The following SLC7A11 variants were observed in gnomAD, a reference collection of about 807,000 sequenced individuals.
SLC7A11 encodes solute carrier family 7 member 11.
In SLC7A11, 35 loss-of-function variants were observed where a neutral mutation model predicts 54.5. The observed-to-expected ratio is 0.64, with a 90% CI of 0.49 to 0.85. The LOEUF (loss-of-function observed/expected upper bound fraction) is 0.85. SLC7A11 is among the 40% of genes least tolerant of loss of function. The probability of loss-of-function intolerance (pLI) is 0.00; values close to 1 mark genes in which losing one functional copy is unlikely to be tolerated. For synonymous variants in SLC7A11, 230 were observed against 225.2 expected, an observed-to-expected ratio of 1.02 and a Z score of -0.19; for missense variants, 583 against 618.1, an observed-to-expected ratio of 0.94 and a Z score of 0.60.
chr4:138,214,567 G>T lies in SLC7A11; in HGVS notation c.791+18C>A, dbSNP rs573480755. The T allele has an allele frequency of 1.4e-6, 2 of 1,430,280 alleles. No individual in the cohort carries two copies. The highest frequency in any genetic ancestry group is 1.9e-6 in the Non-Finnish European group (2 of 1,050,134). 88.6% of individuals were successfully genotyped at this position (1,430,280 alleles called of 1,614,324 possible). ...TTTTATTCTTCATAAAAATTTCAGG[G>T]TACATCTGGCTACTTACTTTTCAGG... On this transcript the variant is annotated intron_variant, in intron 6 of 11. Transcript: ENST00000280612.
Position 138,219,362 on chromosome 4 carries a change from T to C in SLC7A11, c.650A>G (p.Gln217Arg). ...VPGVMQLIKG[Q>R]TQNFKDAFSG... ...AAAGGCGTCTTTAAAGTTCTGCGTT[T>C]GACCTGTAATTAGAATAGACTGATT... Residue 217 changes from glutamine to arginine, a missense_variant, in exon 5 of 12, where the codon CAA becomes CGA. Gln to Arg is a conservative substitution (Grantham distance 43). Coordinates refer to ENST00000280612, the MANE Select transcript of SLC7A11 (RefSeq NM_014331.4). 1 of 1,577,568 alleles carries C rather than the reference T, an allele frequency of 6.3e-7. No individual in the cohort carries two copies. Among genetic ancestry groups the C allele is most frequent in the Non-Finnish European group, 8.7e-7 (1 of 1,147,162 alleles).
intron 1 of SLC7A11, among the ~76,000 whole-genome samples, chr4:138,241,565 TAGTC>T (rs1378671742): frequency 1.3e-5 from 2 of 152,096 alleles, no homozygotes; most frequent in Non-Finnish European, 1.5e-5. Context: ...TAGCCTGTCT[TAGTC>T]AGGAAAAGAA....
At chr4:138,204,097 T>C (rs1468645943) in intron 6 of SLC7A11, among the ~76,000 whole-genome samples, 4 of 152,070 alleles carry the variant, frequency 2.6e-5, no homozygotes, top group African/African-American at 9.7e-5. Flanking sequence ...CCAACTTTCT[T>C]TTCCATAGCA....
In SLC7A11 at chr4:138,171,916, C is replaced by T. The variant is rs374880676; in HGVS notation, c.*40G>A. On this transcript the variant is annotated 3_prime_UTR_variant, in exon 12 of 12. Transcript: ENST00000280612. Reference sequence around the variant, plus strand: ...TGAAGTAAAAATCCCTATTTTGTGTCTCCCCTTGGGCAGATTGCCAAGATC... The same window carrying T: ...TGAAGTAAAAATCCCTATTTTGTGTTTCCCCTTGGGCAGATTGCCAAGATC... 4.5e-6 allele frequency: 7 copies of T among 1,555,356 alleles called. No homozygotes were observed. Among genetic ancestry groups the T allele is most frequent in the Non-Finnish European group, 5.2e-6 (6 of 1,161,026 alleles).
rs1474867687 is a variant in SLC7A11, at chr4:138,164,837, G to C, written c.*7119C>G. 6.6e-6 allele frequency: 1 copy of C among 151,902 alleles called. No individual in the cohort carries two copies. Among genetic ancestry groups the C allele is most frequent in the African/African-American group, 2.4e-5 (1 of 41,352 alleles). The allele number at this position is 151,902 out of a possible 1,614,324, so 9.4% of individuals were successfully genotyped here. The stretch of plus-strand genomic sequence containing the variant: ...AACCCACGATGCCCCTGAAATTCTG[G>C]GAATGGTACAAGGTCATAACTAATG... On this transcript the variant is annotated 3_prime_UTR_variant, in exon 12 of 12. Coordinates refer to ENST00000280612, the MANE Select transcript of SLC7A11 (RefSeq NM_014331.4).
intron 6 of SLC7A11, among the ~76,000 whole-genome samples, chr4:138,209,387 G>A (rs1172374985): frequency 6.6e-6 from 1 of 151,844 alleles, no homozygotes. Flanking sequence ...ATTCTCCCTT[G>A]TAACTAAAGG....
intron 6 of SLC7A11, among the ~76,000 whole-genome samples, chr4:138,202,885 T>G (rs908020452): frequency 1.6e-4 from 24 of 152,284 alleles, no homozygotes; most frequent in African/African-American, 5.3e-4. Flanking sequence ...GAAGTGCCAG[T>G]TGTCCCCAGG....
rs1185566288 is a variant in SLC7A11 at position 138,169,740 on chromosome 4, G to C, written c.*2216C>G. ...TAGTCTATGGGGAAAAAAAAAATAG[G>C]AATATGAAAGAAATTCTTACCTCCA... On this transcript the variant is annotated 3_prime_UTR_variant, in exon 12 of 12. Transcript: ENST00000280612. 6.6e-6 allele frequency: 1 copy of C among 151,826 alleles called. No homozygotes were observed. Among genetic ancestry groups the C allele is most frequent in the Non-Finnish European group, 1.5e-5 (1 of 67,946 alleles). 9.4% of individuals were successfully genotyped at this position (151,826 alleles called of 1,614,324 possible).
At chr4:138,227,085 G>A (rs943012530) in intron 3 of SLC7A11, among the ~76,000 whole-genome samples, 2 of 152,186 alleles carry the variant, frequency 1.3e-5, no homozygotes, top group African/African-American at 4.8e-5. Flanking sequence ...GTGATTTAAG[G>A]ACTGGCAAGT....
intron 7 of SLC7A11, 142 bp from the exon 8 acceptor site, chr4:138,183,447 T>C: frequency 1.6e-6 from 1 of 633,648 alleles, no homozygotes; most frequent in Non-Finnish European, 2.9e-6. Flanking sequence ...TTGGTTAGGG[T>C]CAGACTAACT....
intron 6 of SLC7A11, among the ~76,000 whole-genome samples, chr4:138,190,158 T>A (rs1004620392): frequency 1.3e-5 from 2 of 152,116 alleles, no homozygotes; most frequent in Admixed American, 1.3e-4. Flanking sequence ...AACCTACATT[T>A]GTGTGTTCTG....
At chr4:138,218,383 A>G (rs1737727731) in intron 5 of SLC7A11, among the ~76,000 whole-genome samples, 1 of 152,234 alleles carries the variant, frequency 6.6e-6, no homozygotes, top group Admixed American at 6.5e-5. Context: ...GATTTATCCC[A>G]AAACAATGAA....
chr4:138,179,843 G>C (rs888804629), intron 10 of SLC7A11, among the ~76,000 whole-genome samples: 2 of 152,030 alleles, frequency 1.3e-5, no homozygotes, highest in African/African-American at 4.8e-5. Flanking sequence ...TTTTTCTGTT[G>C]AGATCCACAA....
intron 11 of SLC7A11, chr4:138,178,049 A>G (rs1288189360): frequency 1.3e-5 from 2 of 152,120 alleles, no homozygotes; most frequent in East Asian, 3.9e-4. Flanking sequence ...TCTACTTTAT[A>G]TCTGTATGAC....
chr4:138,194,778 CTG>C (rs1434014418), intron 6 of SLC7A11, among the ~76,000 whole-genome samples: 2 of 152,300 alleles, frequency 1.3e-5, no homozygotes, highest in Admixed American at 1.3e-4. Flanking sequence ...CCAAATCTCT[CTG>C]GACTTACACT....
At chr4:138,198,011 G>A (rs1737182630) in intron 6 of SLC7A11, among the ~76,000 whole-genome samples, 1 of 150,288 alleles carries the variant, frequency 6.7e-6, no homozygotes, top group South Asian at 2.1e-4. Context: ...ATAAACTAAG[G>A]AGTAATATGA....
At chr4:138,204,166 A>T (rs1044632991) in intron 6 of SLC7A11, among the ~76,000 whole-genome samples, 6 of 152,090 alleles carry the variant, frequency 3.9e-5, no homozygotes, top group African/African-American at 1.4e-4. Context: ...TTTTCCCAAA[A>T]ACCAGCTGTC....
chr4:138,184,982 T>A, intron 7 of SLC7A11, 139 bp downstream of exon 7: 1 of 884,790 alleles, frequency 1.1e-6, no homozygotes, highest in Non-Finnish European at 1.8e-6. Context: ...ATGCTCTAAA[T>A]TTTTTAAATA....
intron 6 of SLC7A11, among the ~76,000 whole-genome samples, 163 bp from the exon 7 acceptor site, chr4:138,185,407 T>A (rs1736852161): frequency 6.6e-6 from 1 of 152,134 alleles, no homozygotes; most frequent in African/African-American, 2.4e-5. Flanking sequence ...AAAAACCACA[T>A]ATTCCTTTGT....
Sources: gnomAD v4.1 joint callset for allele counts (sites outside exome capture counted in the v4.1 genomes callset) on GRCh38, gnomAD v4.1.1 for gene constraint, MANE v1.5 for transcripts, NCBI Gene and HGNC (gene_info 2026-07-23, HGNC 2026-07-21) for gene names.